GPHN: variants seen among roughly 807,000 people sequenced by gnomAD.
GPHN encodes gephyrin.
In GPHN, 17 loss-of-function variants were observed where a neutral mutation model predicts 95.5. The ratio of observed to expected loss-of-function variants is 0.18; its 90% CI spans 0.12 to 0.27. The LOEUF is 0.27. Among genes scored for constraint, GPHN ranks in the 10% least tolerant of loss-of-function variants. The pLI is 1.00. For missense variants in GPHN, 660 were observed against 978.1 expected, an observed-to-expected ratio of 0.67 and a Z score of 4.34; for synonymous variants, 320 against 322.5, an observed-to-expected ratio of 0.99 and a Z score of 0.08.
the GPHN span, chr14:67,571,468 T>C: frequency 2.8e-6 from 1 of 353,984 alleles, no homozygotes; most frequent in Non-Finnish European, 5.3e-6. Flanking sequence ...TCTGGCCCCC[T>C]AGTGGCAAGG....
chr14:66,974,636 T>C (rs1441346876), intron 9 of GPHN, among the ~76,000 whole-genome samples: 2 of 152,132 alleles, frequency 1.3e-5, no homozygotes, highest in African/African-American at 2.4e-5. Context: ...TAGTTTCTTT[T>C]TTGTTTAAAA....
At chr14:67,395,385 G>T in the GPHN span, 1 of 1,610,594 alleles carries the variant, frequency 6.2e-7, no homozygotes, top group Non-Finnish European at 8.5e-7. Flanking sequence ...ACAGAGCCCG[G>T]CAAGTGGGGC....
the GPHN span, among the ~76,000 whole-genome samples, chr14:67,381,988 T>C: frequency 1.0e-3 from 153 of 152,206 alleles, 1 homozygote; most frequent in Non-Finnish European, 2.0e-3. Flanking sequence ...GAGAGCACTT[T>C]AAAAAAGAGT....
intron 8 of GPHN, among the ~76,000 whole-genome samples, chr14:66,951,937 G>A (rs779855033): frequency 1.3e-5 from 2 of 151,946 alleles, no homozygotes; most frequent in South Asian, 2.1e-4. Flanking sequence ...CAAACAGGAA[G>A]GAGGAAACTA....
At chr14:67,176,167 G>A (rs1374319965) in intron 21 of GPHN, among the ~76,000 whole-genome samples, 2 of 152,180 alleles carry the variant, frequency 1.3e-5, no homozygotes, top group Non-Finnish European at 2.9e-5. Flanking sequence ...TTTTCAAAGG[G>A]AATGCTTCCA....
the GPHN span, chr14:67,575,874 C>T: frequency 1.2e-6 from 2 of 1,613,958 alleles, no homozygotes; most frequent in Non-Finnish European, 1.7e-6. Context: ...GGAAGTAGAT[C>T]GATCCTGTGA....
chr14:67,352,426 CAAAAA>C, the GPHN span, among the ~76,000 whole-genome samples: 1 of 76,776 alleles, frequency 1.3e-5, no homozygotes, highest in Admixed American at 1.4e-4. Context: ...GACCTTGCCT[CAAAAA>C]AAAAAAAAAA....
chr14:67,047,770 G>A (rs1012430447), intron 10 of GPHN, among the ~76,000 whole-genome samples: 20 of 152,192 alleles, frequency 1.3e-4, no homozygotes, highest in African/African-American at 4.6e-4. Context: ...AAACCAGTCT[G>A]AGCAACATAG....
intron 12 of GPHN, among the ~76,000 whole-genome samples, chr14:67,092,225 G>A (rs749090135): frequency 3.3e-5 from 5 of 152,034 alleles, no homozygotes; most frequent in Non-Finnish European, 7.4e-5. Flanking sequence ...TAATAAAGAT[G>A]ATTTTCATTT....
At chr14:67,684,784 G>A in the GPHN span, 6 of 357,714 alleles carry the variant, frequency 1.7e-5, no homozygotes, top group African/African-American at 4.2e-5. Context: ...ACAAAGACAG[G>A]AAGAAAACAA....
chr14:66,923,239 A>G (rs1390622942), intron 7 of GPHN, among the ~76,000 whole-genome samples: 1 of 152,186 alleles, frequency 6.6e-6, no homozygotes, highest in Non-Finnish European at 1.5e-5. Context: ...ATTTTTGTGG[A>G]CATATTAAAT....
the GPHN span, among the ~76,000 whole-genome samples, chr14:67,662,176 C>CAAA: frequency 1.4e-5 from 2 of 146,912 alleles, no homozygotes; most frequent in South Asian, 2.2e-4. Context: ...ACAACAACAA[C>CAAA]AACAAAAAAA....
intron 3 of GPHN, among the ~76,000 whole-genome samples, chr14:66,798,660 C>CT (rs1190781585): frequency 1.3e-5 from 2 of 151,700 alleles, no homozygotes; most frequent in Non-Finnish European, 3.0e-5. Context: ...GTAATGTCAC[C>CT]TTTTTTATTT....
chr14:67,398,506 C>G, the GPHN span, among the ~76,000 whole-genome samples: 1 of 152,154 alleles, frequency 6.6e-6, no homozygotes, highest in African/African-American at 2.4e-5. Context: ...TGAGAACCAC[C>G]TAAATGACCC....
intron 12 of GPHN, among the ~76,000 whole-genome samples, chr14:67,093,604 A>C (rs996552209): frequency 6.6e-6 from 1 of 152,126 alleles, no homozygotes; most frequent in African/African-American, 2.4e-5. Flanking sequence ...TTCCAAAAAG[A>C]AAATATTTCT....
At chr14:67,549,131 A>C in the GPHN span, among the ~76,000 whole-genome samples, 1 of 152,166 alleles carries the variant, frequency 6.6e-6, no homozygotes, top group Admixed American at 6.5e-5. Context: ...AAGTATGTTG[A>C]AGTTTGCATA....
At chr14:66,549,696 T>C (rs1220871829) in intron 1 of GPHN, among the ~76,000 whole-genome samples, 2 of 152,194 alleles carry the variant, frequency 1.3e-5, no homozygotes, top group Non-Finnish European at 1.5e-5. Context: ...AGATGCCATC[T>C]AGTGTCTTCA....
chr14:66,740,545 T>TA lies in GPHN; in HGVS notation c.144-35906dup, dbSNP rs371122417. Among the ~76,000 whole-genome samples, 213 of 141,038 alleles carry TA rather than the reference T, an allele frequency of 1.5e-3. 1 individual carries two copies. The highest frequency in any genetic ancestry group is 5.9e-3 in the South Asian group (26 of 4,420). The allele number at this position is 141,038 out of a possible 152,430, so 92.5% of individuals were successfully genotyped here. A position where few individuals can be genotyped will look rare whatever the true frequency, so the allele number is the denominator to read the frequency against. Reference sequence around the variant, plus strand: ...TGTTTTAAACTGAACATTTAGTACTTAAAAAAAAAAAAAGCCAGAAAGCTG... The same window carrying TA: ...TGTTTTAAACTGAACATTTAGTACTTAAAAAAAAAAAAAAGCCAGAAAGCTG... On this transcript the variant is annotated intron_variant, in intron 2 of 22. Coordinates refer to ENST00000478722, the MANE Select transcript of GPHN (RefSeq NM_020806.5).
chr14:67,101,958 G>A (rs1055618589), intron 13 of GPHN, among the ~76,000 whole-genome samples: 8 of 151,768 alleles, frequency 5.3e-5, no homozygotes, highest in African/African-American at 1.7e-4. Context: ...TGCAAGCTCC[G>A]CCTCCCGGGC....
Sources: gnomAD v4.1 joint callset for allele counts (sites outside exome capture counted in the v4.1 genomes callset) on GRCh38, gnomAD v4.1.1 for gene constraint, MANE v1.5 for transcripts, NCBI Gene and HGNC (gene_info 2026-07-23, HGNC 2026-07-21) for gene names.